MYO5B: variants seen among roughly 807,000 people sequenced by gnomAD.
MYO5B encodes unconventional myosin-Vb.
A neutral mutation model predicts 229.3 loss-of-function variants in MYO5B; 143 were observed. The ratio of observed to expected loss-of-function variants is 0.62; its 90% CI spans 0.54 to 0.72. The LOEUF (loss-of-function observed/expected upper bound fraction) is 0.72. Ranked by LOEUF, MYO5B falls within the 30% of genes least tolerant of loss-of-function variation. The pLI is 0.00. For missense variants in MYO5B, 2,321 were observed against 2,331.0 expected (o/e 1.00, Z 0.09); for synonymous variants, 918 against 885.2 (o/e 1.04, Z -0.66).
At chr18:49,984,046 T>G (rs1350381281) in intron 8 of MYO5B, among the ~76,000 whole-genome samples, 2 of 152,194 alleles carry the variant, frequency 1.3e-5, no homozygotes, top group Non-Finnish European at 2.9e-5. Context: ...GAGCTTTCCT[T>G]TTTCTGGATG....
chr18:49,990,378 G>T, intron 7 of MYO5B, 61 bp downstream of exon 7: 1 of 1,425,882 alleles, frequency 7.0e-7, no homozygotes, highest in Non-Finnish European at 9.9e-7. Flanking sequence ...AGAGCCCCCA[G>T]CTGTGCACCC....
At chr18:49,846,463 A>G (rs1450634147) in intron 33 of MYO5B, among the ~76,000 whole-genome samples, 1 of 152,186 alleles carries the variant, frequency 6.6e-6, no homozygotes, top group Non-Finnish European at 1.5e-5. Flanking sequence ...GCTCTACACA[A>G]GAACACTGGT....
At chr18:50,132,098 C>T (rs1056328191) in intron 1 of MYO5B, among the ~76,000 whole-genome samples, 23 of 152,340 alleles carry the variant, frequency 1.5e-4, no homozygotes, top group African/African-American at 5.1e-4. Context: ...CTTCCCTCTT[C>T]CCAAGTGTGC....
intron 10 of MYO5B, among the ~76,000 whole-genome samples, chr18:49,966,816 G>A (rs2025631012): frequency 6.6e-6 from 1 of 152,206 alleles, no homozygotes; most frequent in Non-Finnish European, 1.5e-5. Flanking sequence ...TTACTTAAAT[G>A]CCGGAGGCCC....
intron 7 of MYO5B, among the ~76,000 whole-genome samples, chr18:49,987,636 G>C (rs1166071237): frequency 6.6e-6 from 1 of 152,150 alleles, no homozygotes. Flanking sequence ...CCAAGGCCAT[G>C]GTCATGGACT....
At chr18:50,072,035 G>T (rs550459996) in intron 1 of MYO5B, among the ~76,000 whole-genome samples, 3 of 152,180 alleles carry the variant, frequency 2.0e-5, no homozygotes, top group South Asian at 2.1e-4. Context: ...ATAGGAGCTA[G>T]AAGTCATCAA....
chr18:49,922,922 C>T lies in MYO5B; in HGVS notation c.2090+6590G>A, dbSNP rs115634633. On this transcript the variant is annotated intron_variant, in intron 17 of 39. Transcript: ENST00000285039. Reference sequence around the variant, plus strand: ...CTTGACTCTGCTGGCAGCTCGGATTCGCAGCAAGGTGGAATGAACAGTAGG... The same window carrying T: ...CTTGACTCTGCTGGCAGCTCGGATTTGCAGCAAGGTGGAATGAACAGTAGG... Among the ~76,000 whole-genome samples, 1,317 of 152,254 alleles carry T rather than the reference C, an allele frequency of 8.7e-3. 12 individuals carry two copies. The highest frequency in any genetic ancestry group is 0.029 in the African/African-American group (1,221 of 41,536).
At chr18:49,942,498 G>A (rs2144223930) in intron 14 of MYO5B, among the ~76,000 whole-genome samples, 1 of 150,488 alleles carries the variant, frequency 6.6e-6, no homozygotes, top group Admixed American at 6.6e-5. Context: ...AATCTACAAT[G>A]AACTCAAACA....
intron 29 of MYO5B, among the ~76,000 whole-genome samples, chr18:49,857,761 T>C (rs918111337): frequency 3.9e-5 from 6 of 152,138 alleles, no homozygotes; most frequent in South Asian, 4.1e-4. Context: ...GGAGGTCAGG[T>C]GTGTCCAATG....
At chr18:50,055,421 T>C (rs746536791) in intron 1 of MYO5B, 43 bp from the exon 2 acceptor site, 2 of 1,520,596 alleles carry the variant, frequency 1.3e-6, no homozygotes, top group East Asian at 4.5e-5. Flanking sequence ...AGAACAAAGC[T>C]CTCAGATTTC....
At chr18:49,929,461 C>T (rs1405519279) in intron 17 of MYO5B, 51 bp downstream of exon 17, 6 of 1,491,952 alleles carry the variant, frequency 4.0e-6, no homozygotes, top group Non-Finnish European at 5.5e-6. Context: ...GAACCAAACT[C>T]TGGCTGCTCT....
intron 31 of MYO5B, chr18:49,850,478 G>A (rs1355523099): frequency 6.6e-6 from 1 of 152,236 alleles, no homozygotes; most frequent in African/African-American, 2.4e-5. Flanking sequence ...TATAGATGTT[G>A]TTAGGAACTT....
chr18:50,120,014 C>T (rs1466947400), intron 1 of MYO5B, among the ~76,000 whole-genome samples: 1 of 152,146 alleles, frequency 6.6e-6, no homozygotes, highest in Non-Finnish European at 1.5e-5. Flanking sequence ...GGTCTAGCTT[C>T]TAGCACATAC....
intron 1 of MYO5B, among the ~76,000 whole-genome samples, chr18:50,071,528 G>A (rs2030958359): frequency 6.6e-6 from 1 of 152,138 alleles, no homozygotes; most frequent in Admixed American, 6.5e-5. Context: ...CACCAGAAAG[G>A]CTAAAAATAG....
At chr18:50,120,576 T>C (rs1291800891) in intron 1 of MYO5B, among the ~76,000 whole-genome samples, 1 of 152,196 alleles carries the variant, frequency 6.6e-6, no homozygotes, top group Admixed American at 6.5e-5. Context: ...CAGGGTGGTA[T>C]GCAGAATGCC....
intron 23 of MYO5B, 85 bp downstream of exon 23, chr18:49,880,286 G>C (rs1274848515): frequency 8.8e-7 from 1 of 1,136,990 alleles, no homozygotes. Flanking sequence ...TAGTCTAACT[G>C]CATGCTTGCT....
chr18:50,159,490 T>A (rs1457020392), intron 1 of MYO5B, among the ~76,000 whole-genome samples: 2 of 152,062 alleles, frequency 1.3e-5, no homozygotes, highest in Non-Finnish European at 2.9e-5. Flanking sequence ...GTTAGTGACA[T>A]TCAGTCACCC....
At chr18:50,032,517 T>C (rs1403460084) in intron 4 of MYO5B, among the ~76,000 whole-genome samples, 1 of 152,254 alleles carries the variant, frequency 6.6e-6, no homozygotes, top group African/African-American at 2.4e-5. Context: ...TCAAGGTTTA[T>C]CAATGTGGTA....
At chr18:49,846,498 C>T (rs540505398) in intron 33 of MYO5B, among the ~76,000 whole-genome samples, 1 of 152,266 alleles carries the variant, frequency 6.6e-6, no homozygotes, top group East Asian at 1.9e-4. Context: ...CGGCCATGTG[C>T]GGCTAGTTAG....
Sources: gnomAD v4.1 joint callset for allele counts (sites outside exome capture counted in the v4.1 genomes callset) on GRCh38, gnomAD v4.1.1 for gene constraint, MANE v1.5 for transcripts, NCBI Gene and HGNC (gene_info 2026-07-23, HGNC 2026-07-21) for gene names.